SHANK2: variants seen among roughly 807,000 people sequenced by gnomAD.
SHANK2 encodes SH3 and multiple ankyrin repeat domains protein 2.
SHANK2 carries 43 observed loss-of-function variants against 133.7 expected under a neutral mutation model. The ratio of observed to expected loss-of-function variants is 0.32; its 90% CI spans 0.25 to 0.41. The LOEUF is 0.41. SHANK2 is among the 10% of genes least tolerant of loss of function. SHANK2 has a pLI of 1.00. For missense variants in SHANK2, 1,994 were observed against 2,235.8 expected (o/e 0.89, Z 2.18); for synonymous variants, 1,017 against 952.8 (o/e 1.07, Z -1.24).
chr11:71,093,228 A>G (rs1470255364), intron 7 of SHANK2, among the ~76,000 whole-genome samples: 2 of 152,194 alleles, frequency 1.3e-5, no homozygotes, highest in African/African-American at 2.4e-5. Context: ...GCAGCAATAC[A>G]GTGACTGCAA....
intron 14 of SHANK2, among the ~76,000 whole-genome samples, chr11:70,764,063 A>AATCCATCCATCCATCCATCC (rs782452712): frequency 1.0e-4 from 13 of 127,008 alleles, no homozygotes; most frequent in Non-Finnish European, 2.0e-4. Flanking sequence ...TATACCCACC[A>AATCCATCCATCCATCCATCC]ATCCATCCAT....
chr11:71,234,183 TAAAAAAAAAA>T (rs71049965), intron 1 of SHANK2, among the ~76,000 whole-genome samples: 11 of 35,478 alleles, frequency 3.1e-4, no homozygotes, highest in East Asian at 2.0e-3. Flanking sequence ...CCCTCTCTAC[TAAAAAAAAAA>T]AAAAAAAAAA....
intron 3 of SHANK2, among the ~76,000 whole-genome samples, chr11:71,144,647 G>A (rs1419268681): frequency 6.6e-6 from 1 of 152,026 alleles, no homozygotes; most frequent in Non-Finnish European, 1.5e-5. Context: ...ATAGGAAGAG[G>A]GGACAGTGAA....
chr11:70,898,725 T>C (rs190440846), intron 10 of SHANK2, among the ~76,000 whole-genome samples: 1 of 152,232 alleles, frequency 6.6e-6, no homozygotes, highest in East Asian at 1.9e-4. Context: ...GAAGAAGGAA[T>C]TGTTAAGCAA....
At chr11:70,954,176 C>A (rs1204305296) in intron 10 of SHANK2, among the ~76,000 whole-genome samples, 1 of 152,234 alleles carries the variant, frequency 6.6e-6, no homozygotes, top group Non-Finnish European at 1.5e-5. Flanking sequence ...ACAGGGAAGG[C>A]ACAACCAAAC....
intron 11 of SHANK2, chr11:70,863,925 C>G: frequency 2.3e-6 from 1 of 440,566 alleles, no homozygotes; most frequent in Non-Finnish European, 4.5e-6. Flanking sequence ...GGCGTCCGCC[C>G]CCACAACGGT....
At chr11:70,861,643 G>A (rs918661864) in intron 11 of SHANK2, among the ~76,000 whole-genome samples, 2 of 152,110 alleles carry the variant, frequency 1.3e-5, no homozygotes, top group African/African-American at 4.8e-5. Flanking sequence ...AGTTAACTCT[G>A]TAGCTCAGGG....
Position 70,472,142 on chromosome 11 carries a change from G to GCC in SHANK2, c.*726_*727insGG, listed in dbSNP as rs2058603790. The GCC allele has an allele frequency of 3.3e-5, 5 of 152,708 alleles. No individual in the cohort carries two copies. The highest frequency in any genetic ancestry group is 1.5e-5 in the Non-Finnish European group (1 of 68,168). The allele number at this position is 152,708 out of a possible 1,614,324, so 9.5% of individuals were successfully genotyped here. On this transcript the variant is annotated 3_prime_UTR_variant, in exon 26 of 26. Transcript: ENST00000601538. This position sits in a 1 kb window ranked among gnomAD's most constrained non-coding sequence, Gnocchi z 4.4. ...ATGTGACATCTGCTTGGCCACCTTG[G>GCC]AATTATGCTAACAGATTTGCAGAAA...
At chr11:71,148,792 A>C (rs1221618351) in intron 2 of SHANK2, among the ~76,000 whole-genome samples, 3 of 152,234 alleles carry the variant, frequency 2.0e-5, no homozygotes, top group Non-Finnish European at 2.9e-5. Flanking sequence ...GTGCAAAAGG[A>C]AGGCAATTCA....
At chr11:70,815,572 G>A (rs527452140) in intron 12 of SHANK2, among the ~76,000 whole-genome samples, 20 of 152,322 alleles carry the variant, frequency 1.3e-4, no homozygotes, top group African/African-American at 2.2e-4. Context: ...GGCTGGGCCC[G>A]GTGAGCTCCT....
At chr11:70,747,081 C>T (rs556599575) in intron 14 of SHANK2, among the ~76,000 whole-genome samples, 2 of 150,118 alleles carry the variant, frequency 1.3e-5, no homozygotes, top group African/African-American at 2.5e-5. Context: ...TCCCCTGGCT[C>T]ATCCATGGTC....
chr11:70,621,105 C>A (rs549043790), intron 17 of SHANK2, among the ~76,000 whole-genome samples: 1 of 152,168 alleles, frequency 6.6e-6, no homozygotes, highest in Non-Finnish European at 1.5e-5. Context: ...GGCACCAAGG[C>A]ACCGGGATCG....
At chr11:70,647,770 G>A (rs2061285196) in intron 17 of SHANK2, among the ~76,000 whole-genome samples, 1 of 152,162 alleles carries the variant, frequency 6.6e-6, no homozygotes, top group East Asian at 1.9e-4. Flanking sequence ...TTCCCTCTGC[G>A]GTCCTTCTGC....
chr11:71,113,208 G>A (rs957049964), intron 5 of SHANK2, 85 bp downstream of exon 5: 19 of 1,219,856 alleles, frequency 1.6e-5, no homozygotes, highest in Non-Finnish European at 1.9e-5. Flanking sequence ...GCCCCTGGAA[G>A]AGGAGCGTCT....
chr11:71,195,968 G>C (rs187617246), intron 2 of SHANK2, among the ~76,000 whole-genome samples: 8 of 152,234 alleles, frequency 5.3e-5, no homozygotes, highest in Admixed American at 5.2e-4. Context: ...GATGGCTTGG[G>C]CCTAGGAGTT....
At chr11:70,893,625 C>A (rs76193780) in intron 11 of SHANK2, among the ~76,000 whole-genome samples, 1 of 152,168 alleles carries the variant, frequency 6.6e-6, no homozygotes, top group African/African-American at 2.4e-5. Context: ...AATCACGAAC[C>A]CTTAGATGAC....
At chr11:70,648,710 C>A (rs918397413) in intron 17 of SHANK2, among the ~76,000 whole-genome samples, 24 of 152,148 alleles carry the variant, frequency 1.6e-4, no homozygotes, top group Non-Finnish European at 7.4e-5. Flanking sequence ...TGAATCCACC[C>A]CTCCACCTCC....
chr11:70,863,147 T>C (rs1384463201), intron 11 of SHANK2: 2 of 359,850 alleles, frequency 5.6e-6, no homozygotes, highest in Admixed American at 3.7e-5. Context: ...CAGGGACAAA[T>C]CTCAAAAATA....
intron 17 of SHANK2, among the ~76,000 whole-genome samples, chr11:70,591,416 A>G (rs1288295239): frequency 6.6e-6 from 1 of 152,156 alleles, no homozygotes; most frequent in African/African-American, 2.4e-5. Flanking sequence ...AGAAAGAACC[A>G]AAAGATAGAA....
Sources: allele counts gnomAD v4.1 joint callset (sites outside exome capture counted in the v4.1 genomes callset), GRCh38; gene constraint gnomAD v4.1.1; non-coding constraint Gnocchi (gnomAD v3.1); transcripts MANE v1.5; gene names NCBI Gene and HGNC (gene_info 2026-07-23, HGNC 2026-07-21).